Variants in TRIM67 observed in about 807,000 individuals in gnomAD.
TRIM67 encodes tripartite motif-containing protein 67.
In TRIM67, 39 loss-of-function variants were observed where a neutral mutation model predicts 71.0. The ratio of observed to expected loss-of-function variants is 0.55; its 90% CI spans 0.43 to 0.72. The LOEUF (loss-of-function observed/expected upper bound fraction) is 0.72, where lower values mean the gene tolerates loss of function less well. Among genes scored for constraint, TRIM67 ranks in the 30% least tolerant of loss-of-function variants. The pLI, the probability that TRIM67 is intolerant of heterozygous loss-of-function variation, is 0.00. For missense variants in TRIM67, 973 were observed against 1,079.2 expected (o/e 0.90, Z 1.38); for synonymous variants, 481 against 473.9 (o/e 1.01, Z -0.19).
chr1:231,217,104 A>G lies in TRIM67; in HGVS notation c.*1664A>G. 5 of 985,890 alleles carry G rather than the reference A, an allele frequency of 5.1e-6. No individual in the cohort carries two copies. Among genetic ancestry groups the G allele is most frequent in the Non-Finnish European group, 6.0e-6 (5 of 830,002 alleles). The allele number at this position is 985,890 out of a possible 1,614,324, so 61.1% of individuals were successfully genotyped here. On this transcript the variant is annotated 3_prime_UTR_variant, in exon 10 of 10. Transcript: ENST00000366653. ...GAGTAACTGCCTGCCGGAGCCATGC[A>G]GGTACCCCCCCTCCACTCAGCAGGC... is the stretch of plus-strand genomic sequence containing the variant.
In TRIM67 at chr1:231,184,771, G is replaced by T. The variant is rs375693987; in HGVS notation, c.1045-12600G>T. 3 of 550,450 alleles carry T rather than the reference G, an allele frequency of 5.5e-6. 1 individual carries two copies. The African/African-American group carries it at 5.7e-5, about 11-fold the overall frequency. 34.1% of individuals were successfully genotyped at this position (550,450 alleles called of 1,614,324 possible). A position where few individuals can be genotyped will look rare whatever the true frequency, so the allele number is the denominator to read the frequency against. Reference sequence around the variant, plus strand: ...TCTACCGAGAACCACCATGAGTAGAGTGCCAGTCCCTGAACCCAGGGCCTT... The same window carrying T: ...TCTACCGAGAACCACCATGAGTAGATTGCCAGTCCCTGAACCCAGGGCCTT... On this transcript the variant is annotated intron_variant, in intron 1 of 9. Coordinates refer to ENST00000366653, the MANE Select transcript of TRIM67 (RefSeq NM_001004342.5).
At chr1:231,186,017 T>A in intron 1 of TRIM67, 1 of 1,400,578 alleles carries the variant, frequency 7.1e-7, no homozygotes, top group Admixed American at 2.0e-5. Flanking sequence ...AGATAGGTGC[T>A]TGGGTTGCAG....
At chr1:231,190,948 C>T (rs548761764) in intron 1 of TRIM67, among the ~76,000 whole-genome samples, 1 of 152,346 alleles carries the variant, frequency 6.6e-6, no homozygotes, top group South Asian at 2.1e-4. Flanking sequence ...TGGGTCACAC[C>T]TTGTTTCCAG....
chr1:231,190,951 G>A (rs151022175), intron 1 of TRIM67, among the ~76,000 whole-genome samples: 298 of 152,260 alleles, frequency 2.0e-3, no homozygotes, highest in Non-Finnish European at 3.4e-3. Flanking sequence ...GTCACACCTT[G>A]TTTCCAGTCT....
At chr1:231,200,364 T>C (rs887287574) in intron 4 of TRIM67, 106 bp downstream of exon 4, 1 of 707,638 alleles carries the variant, frequency 1.4e-6, no homozygotes, top group African/African-American at 1.7e-5. Flanking sequence ...TTGGATTGAG[T>C]AGATTCTCCT....
chr1:231,215,428 G>C lies in TRIM67; in HGVS notation c.2340G>C (p.Leu780=). ...EVPTNLGRPK[L]SGN ...CGACTAACCTGGGGCGGCCAAAGCT[G>C]TCAGGCAATTAGCCCCGCTCCAGCT... The change falls in exon 10 of 10, where the codon CTG becomes CTC. Residue 780 remains leucine (L), a synonymous_variant. Transcript: ENST00000366653. 6.2e-7 allele frequency: 1 copy of C among 1,610,696 alleles called. No homozygotes were observed. The highest frequency in any genetic ancestry group is 8.5e-7 in the Non-Finnish European group (1 of 1,178,090).
At position 231,216,593 on chromosome 1, in the gene TRIM67, A is replaced by G. The variant is rs1684018902; in HGVS notation, c.*1153A>G. On this transcript the variant is annotated 3_prime_UTR_variant, in exon 10 of 10. Transcript: ENST00000366653. ...CATGAACACAAGTGGCCCCTGTGGC[A>G]GGCCGGGACGGCTCTGCCCTGATGC... The G allele has an allele frequency of 1.0e-6, 1 of 985,550 alleles. No homozygotes were observed. The highest frequency in any genetic ancestry group is 1.2e-6 in the Non-Finnish European group (1 of 829,986). 61.1% of individuals were successfully genotyped at this position (985,550 alleles called of 1,614,324 possible).
chr1:231,185,263 C>G, intron 1 of TRIM67: 1 of 1,514,606 alleles, frequency 6.6e-7, no homozygotes, highest in Non-Finnish European at 8.8e-7. Flanking sequence ...TCCCCTCACC[C>G]CTGGACCAGC....
rs1249550373 is a variant in TRIM67 at position 231,201,420 on chromosome 1, G to A, written c.1437G>A (p.Leu479=). 6.2e-7 allele frequency: 1 copy of A among 1,613,576 alleles called. No homozygotes were observed. The highest frequency in any genetic ancestry group is 1.1e-5 in the South Asian group (1 of 90,944). The change falls in exon 5 of 10, where the codon CTG becomes CTA. Residue 479 remains leucine, a synonymous_variant. Coordinates refer to ENST00000366653, the MANE Select transcript of TRIM67 (RefSeq NM_001004342.5). ...VSQEQWVKGA[L]EPKVSAEFDL... ...AGGAGCAGTGGGTCAAAGGCGCCCT[G>A]GAGCCGAAAGTGTCTGCGGAGTTTG...
intron 1 of TRIM67, among the ~76,000 whole-genome samples, chr1:231,181,509 T>C (rs1353232207): frequency 2.6e-5 from 4 of 152,216 alleles, no homozygotes; most frequent in Non-Finnish European, 5.9e-5. Context: ...AGCTGTCTGA[T>C]ACAACCATTC....
At chr1:231,190,871 C>G (rs1683213602) in intron 1 of TRIM67, among the ~76,000 whole-genome samples, 1 of 152,286 alleles carries the variant, frequency 6.6e-6, no homozygotes, top group South Asian at 2.1e-4. Context: ...TCTTTCCCCA[C>G]TTCCAGGGTC....
chr1:231,162,796 G>T lies in TRIM67; in HGVS notation c.-174G>T. On this transcript the variant is annotated 5_prime_UTR_variant, in exon 1 of 10. Coordinates refer to ENST00000366653, the MANE Select transcript of TRIM67 (RefSeq NM_001004342.5). ...TCTCGCCCCTCAATCATCTTAGGGCGGTGGCTACAGGACAGAGAGAGGGGC... is the reference window on the plus strand; with the variant it reads ...TCTCGCCCCTCAATCATCTTAGGGCTGTGGCTACAGGACAGAGAGAGGGGC... 1.3e-6 allele frequency: 1 copy of T among 766,596 alleles called. No individual in the cohort carries two copies. Among genetic ancestry groups the T allele is most frequent in the Non-Finnish European group, 2.0e-6 (1 of 497,910 alleles). The allele number at this position is 766,596 out of a possible 1,614,324, so 47.5% of individuals were successfully genotyped here. A position where few individuals can be genotyped will look rare whatever the true frequency, so the allele number is the denominator to read the frequency against.
intron 1 of TRIM67, among the ~76,000 whole-genome samples, chr1:231,193,864 G>A (rs1039701886): frequency 2.0e-5 from 3 of 152,152 alleles, no homozygotes; most frequent in African/African-American, 7.2e-5. Flanking sequence ...CGCTAAGCAG[G>A]AGGGGAGGAC....
intron 1 of TRIM67, among the ~76,000 whole-genome samples, chr1:231,188,285 C>T (rs1440459665): frequency 6.6e-6 from 1 of 152,186 alleles, no homozygotes; most frequent in African/African-American, 2.4e-5. Flanking sequence ...AGACTGATGG[C>T]AACGTTGCTT....
chr1:231,181,444 G>T lies in TRIM67; in HGVS notation c.1045-15927G>T, dbSNP rs545983391. 1.2e-4 allele frequency among the ~76,000 whole-genome samples: 19 copies of T among 152,328 alleles called. No individual in the cohort carries two copies. In the South Asian group the frequency reaches 3.9e-3, roughly 32 times the overall value. ...TGTCAGCAAGAAGTGAACGTTTGTG[G>T]TTGGAAGCTTCCAAGTTGGGGGGTG... On this transcript the variant is annotated intron_variant, in intron 1 of 9. Transcript: ENST00000366653.
chr1:231,203,959 C>A lies in TRIM67; in HGVS notation c.1627C>A (p.Pro543Thr). The change falls in exon 6 of 10, where the codon CCC becomes ACC. Residue 543 changes from proline (P) to threonine (T), a missense_variant. By Grantham distance (38) the Pro-to-Thr change is conservative. Around this residue, in one of 2 missense-constraint regions of TRIM67, gnomAD observed 795 missense variants for 831.3 expected, o/e 0.96. Coordinates refer to ENST00000366653, the MANE Select transcript of TRIM67 (RefSeq NM_001004342.5). ...AWRMPPFTHS[P>T]VDGYILELDD... ...GAGGATGCCACCCTTCACCCACAGC[C>A]CCGTGGACGGCTACATCCTGGAGCT... The A allele has an allele frequency of 6.2e-7, 1 of 1,614,024 alleles. No individual in the cohort carries two copies. The highest frequency in any genetic ancestry group is 8.5e-7 in the Non-Finnish European group (1 of 1,179,886).
intron 1 of TRIM67, among the ~76,000 whole-genome samples, chr1:231,166,284 T>C (rs1404906121): frequency 2.0e-5 from 3 of 152,192 alleles, no homozygotes; most frequent in Non-Finnish European, 4.4e-5. Flanking sequence ...CTGTTCTTCT[T>C]CAGCAGGTGC....
In TRIM67 at chr1:231,209,414, T is replaced by C. The variant is rs978621248; in HGVS notation, c.2123+164T>C. ...TTCTAGGAGGCCTTCACTCTGCCCA[T>C]ATAGAACTGGCCTGCAGCCCAGATG... On this transcript the variant is annotated intron_variant, in intron 8 of 9. Transcript: ENST00000366653. The surrounding 1 kb of genome is among the most constrained non-coding windows in gnomAD (Gnocchi z 4.1). Among the ~76,000 whole-genome samples the C allele has an allele frequency of 3.3e-5, 5 of 152,172 alleles. No individual in the cohort carries two copies. Among genetic ancestry groups the C allele is most frequent in the African/African-American group, 7.2e-5 (3 of 41,442 alleles).
chr1:231,163,336 A>G lies in TRIM67; in HGVS notation c.367A>G (p.Asn123Asp). The G allele has an allele frequency of 7.2e-6, 11 of 1,528,624 alleles. No individual in the cohort carries two copies. The South Asian group carries it at 1.1e-4, about 15-fold the overall frequency. 94.7% of individuals were successfully genotyped at this position (1,528,624 alleles called of 1,614,324 possible). A position where few individuals can be genotyped will look rare whatever the true frequency, so the allele number is the denominator to read the frequency against. Residue 123 changes from asparagine to aspartate, a missense_variant, in exon 1 of 10, where the codon AAC (asparagine) becomes GAC (aspartate). This residue lies in a region of TRIM67 where 795 missense variants were observed against 831.3 expected (regional missense o/e 0.96). Coordinates refer to ENST00000366653, the MANE Select transcript of TRIM67 (RefSeq NM_001004342.5). Reference sequence around the variant, plus strand: ...CTACACCCCGAGCCTCAAGTCCCCCAACGGGGTTCGCGTGCTGCCCATGGT... The same window carrying G: ...CTACACCCCGAGCCTCAAGTCCCCCGACGGGGTTCGCGTGCTGCCCATGGT... ...GSYTPSLKSP[N>D]GVRVLPMVPA...
Sources: allele counts gnomAD v4.1 joint callset (sites outside exome capture counted in the v4.1 genomes callset), GRCh38; gene constraint gnomAD v4.1.1; regional missense constraint gnomAD v4.1.1; non-coding constraint Gnocchi (gnomAD v3.1); transcripts MANE v1.5; gene names NCBI Gene and HGNC (gene_info 2026-07-23, HGNC 2026-07-21).